ANKRD1: variants seen among roughly 807,000 people sequenced by gnomAD.
ANKRD1 encodes ankyrin repeat domain 1.
A neutral mutation model predicts 40.1 loss-of-function variants in ANKRD1; 32 were observed. The observed-to-expected ratio is 0.80, with a 90% confidence interval of 0.60 to 1.07. The LOEUF (loss-of-function observed/expected upper bound fraction) is 1.07. ANKRD1 is among the 50% of genes least tolerant of loss of function. ANKRD1 has a pLI of 0.00. For synonymous variants in ANKRD1, 149 were observed against 141.2 expected, an observed-to-expected ratio of 1.06 and a Z score of -0.39; for missense variants, 359 against 386.0, an observed-to-expected ratio of 0.93 and a Z score of 0.59.
intron 6 of ANKRD1, 33 bp downstream of exon 6, chr10:90,916,138 G>A (rs372707936): frequency 9.8e-5 from 145 of 1,486,658 alleles, no homozygotes; most frequent in Middle Eastern, 2.0e-4. Flanking sequence ...AGGGGGAGGG[G>A]GTGAATGAAG....
At chr10:90,918,740 C>T (rs1847398197) in intron 4 of ANKRD1, 125 bp downstream of exon 4, 1 of 811,722 alleles carries the variant, frequency 1.2e-6, no homozygotes, top group Non-Finnish European at 2.1e-6. Flanking sequence ...CTGGCATACA[C>T]AGCAACAGCT....
intron 8 of ANKRD1, among the ~76,000 whole-genome samples, chr10:90,914,236 A>G (rs1029890864): frequency 6.6e-6 from 1 of 152,218 alleles, no homozygotes; most frequent in African/African-American, 2.4e-5. Flanking sequence ...CATTGGGTCA[A>G]TGACATTAAT....
intron 8 of ANKRD1, among the ~76,000 whole-genome samples, chr10:90,914,022 G>C (rs567328491): frequency 5.9e-5 from 9 of 152,274 alleles, no homozygotes; most frequent in Admixed American, 5.2e-4. Flanking sequence ...TCTGCAGTCA[G>C]ATTATGAGAT....
intron 6 of ANKRD1, 81 bp from the exon 7 acceptor site, chr10:90,915,961 A>G: frequency 7.2e-7 from 1 of 1,397,618 alleles, no homozygotes; most frequent in Middle Eastern, 2.5e-4. Flanking sequence ...TGCGAGGGGG[A>G]GAAGTGGTCA....
chr10:90,913,250 A>T (rs1487308252), intron 8 of ANKRD1, among the ~76,000 whole-genome samples: 1 of 152,184 alleles, frequency 6.6e-6, no homozygotes, highest in East Asian at 1.9e-4. Flanking sequence ...TGTCAAGAGC[A>T]CCTCAAGTCA....
Position 90,912,863 on chromosome 10 carries a change from G to A in ANKRD1, c.*3C>T. The A allele has an allele frequency of 6.2e-7, 1 of 1,612,980 alleles. No individual in the cohort carries two copies. The highest frequency in any genetic ancestry group is 8.5e-7 in the Non-Finnish European group (1 of 1,179,012). On this transcript the variant is annotated 3_prime_UTR_variant, in exon 9 of 9. Transcript: ENST00000371697. ...TTTACTGATTAAGAGTCTGTCGTTT[G>A]CCTCAGAATGTAGCTATGCGAGAGG...
At chr10:90,915,366 G>A (rs151038169) in intron 8 of ANKRD1, among the ~76,000 whole-genome samples, 177 bp downstream of exon 8, 9 of 152,236 alleles carry the variant, frequency 5.9e-5, no homozygotes, top group African/African-American at 2.2e-4. Flanking sequence ...CTCATCTCTG[G>A]CCATGTGAAC....
chr10:90,919,135 A>T lies in ANKRD1; in HGVS notation c.341T>A (p.Ile114Asn), dbSNP rs1564574731. 6.2e-7 allele frequency: 1 copy of T among 1,612,978 alleles called. No individual in the cohort carries two copies. Among genetic ancestry groups the T allele is most frequent in the Admixed American group, 1.7e-5 (1 of 59,954 alleles). ...AACCAAAAAAAAAGCCCTTACAATG[A>T]TTTCAGGTTCTGGTTCCTTTACAAC... ...VPVVKEPEPE[I>N]ITEPVDVPTF... Residue 114 changes from isoleucine to asparagine, a missense_variant, in exon 3 of 9, where the codon ATC (isoleucine) becomes AAC (asparagine). Transcript: ENST00000371697.
In ANKRD1 at chr10:90,912,606, C is replaced by T. The variant is rs1847327364; in HGVS notation, c.*260G>A. On this transcript the variant is annotated 3_prime_UTR_variant, in exon 9 of 9. Transcript: ENST00000371697. ...TGTTATATACAAATGAAGCTCTGCT[C>T]ACCAGATGGATGATCATGAAGGTCT... The T allele has an allele frequency of 2.4e-6, 1 of 414,730 alleles. No individual in the cohort carries two copies. 25.7% of individuals were successfully genotyped at this position (414,730 alleles called of 1,614,324 possible).
At chr10:90,915,924 A>G (rs1847365662) in intron 6 of ANKRD1, 44 bp from the exon 7 acceptor site, 1 of 1,591,534 alleles carries the variant, frequency 6.3e-7, no homozygotes, top group Non-Finnish European at 8.6e-7. Context: ...GAATGAGGAC[A>G]GAGGCTGTCC....
Position 90,917,836 on chromosome 10 carries a change from A to G in ANKRD1, c.454-6T>C, listed in dbSNP as rs2120269127. On this transcript the variant is annotated splice_polypyrimidine_tract_variant and splice_region_variant and intron_variant, in intron 4 of 8. Transcript: ENST00000371697. The stretch of plus-strand genomic sequence containing the variant: ...TGAAGAGCTGTCCGTTTATACTATC[A>G]GAACAGAGATTTTAAACAGAGATAG... The G allele has an allele frequency of 1.8e-5, 29 of 1,609,492 alleles. No individual in the cohort carries two copies. Among genetic ancestry groups the G allele is most frequent in the Non-Finnish European group, 2.5e-5 (29 of 1,175,868 alleles).
chr10:90,920,988 G>A lies in ANKRD1; in HGVS notation c.27+13C>T. The stretch of plus-strand genomic sequence containing the variant: ...CCAGTTTTCATTTTATAAAATTAAT[G>A]CATCTTACATACCAGTTCCTCTACT... On this transcript the variant is annotated intron_variant, in intron 1 of 8. Transcript: ENST00000371697. 6.2e-7 allele frequency: 1 copy of A among 1,611,940 alleles called. No homozygotes were observed. Among genetic ancestry groups the A allele is most frequent in the Non-Finnish European group, 8.5e-7 (1 of 1,178,056 alleles).
intron 7 of ANKRD1, 59 bp from the exon 8 acceptor site, chr10:90,915,700 A>C: frequency 6.2e-7 from 1 of 1,609,216 alleles, no homozygotes. Context: ...TGGGTCCTGC[A>C]AGGGCACCCA....
intron 2 of ANKRD1, 54 bp from the exon 3 acceptor site, chr10:90,919,322 C>A (rs1847408872): frequency 3.3e-6 from 5 of 1,501,012 alleles, no homozygotes; most frequent in Non-Finnish European, 4.5e-6. Flanking sequence ...GACAAGCATT[C>A]TGGTTGTGTC....
At chr10:90,916,416 G>A (rs1847374887) in intron 5 of ANKRD1, 147 bp from the exon 6 acceptor site, 2 of 699,280 alleles carry the variant, frequency 2.9e-6, no homozygotes, top group African/African-American at 1.8e-5. Context: ...TACCAAATGT[G>A]TTAGCTAAAT....
chr10:90,917,697 T>A, intron 5 of ANKRD1, 35 bp downstream of exon 5: 1 of 1,583,104 alleles, frequency 6.3e-7, no homozygotes, highest in Middle Eastern at 1.7e-4. Context: ...AGTCTACTTC[T>A]TTTGGCTCAT....
intron 5 of ANKRD1, 90 bp downstream of exon 5, chr10:90,917,642 C>A: frequency 9.0e-7 from 1 of 1,110,896 alleles, no homozygotes; most frequent in Non-Finnish European, 1.4e-6. Context: ...AATTTTCAAT[C>A]CAATCAGCTC....
At position 90,916,225 on chromosome 10, in the gene ANKRD1, C is replaced by G. The variant is rs538585155; in HGVS notation, c.597G>C (p.Leu199=). The G allele has an allele frequency of 7.4e-6, 12 of 1,613,980 alleles. No homozygotes were observed. The Admixed American group carries it at 1.8e-4, about 25-fold the overall frequency. Residue 199 remains leucine (L), a synonymous_variant, in exon 6 of 9, where the codon CTG becomes CTC. Transcript: ENST00000371697. ...TATTCAGCAACAATTTTAAAACATC[C>G]AGGTTTCCTCCACGGCTTGCCCAGT... ...AIHWASRGGN[L]DVLKLLLNKG...
At chr10:90,920,881 C>G (rs1847430050) in intron 1 of ANKRD1, 120 bp downstream of exon 1, 2 of 944,242 alleles carry the variant, frequency 2.1e-6, no homozygotes, top group Non-Finnish European at 3.3e-6. Flanking sequence ...AACCTTTTTC[C>G]ATATATGACA....
Sources: gnomAD v4.1 joint callset for allele counts (sites outside exome capture counted in the v4.1 genomes callset) on GRCh38, gnomAD v4.1.1 for gene constraint, MANE v1.5 for transcripts, NCBI Gene and HGNC (gene_info 2026-07-23, HGNC 2026-07-21) for gene names.